DTNA: variants seen among roughly 807,000 people sequenced by gnomAD.
DTNA encodes dystrobrevin alpha.
DTNA carries 43 observed loss-of-function variants against 100.7 expected under a neutral mutation model. That is an observed-to-expected ratio of 0.43 (90% CI 0.33 to 0.55). DTNA has a LOEUF of 0.55. DTNA is among the 20% of genes least tolerant of loss of function. DTNA has a pLI of 0.04. For missense variants in DTNA, 798 were observed against 953.9 expected, an observed-to-expected ratio of 0.84 and a Z score of 2.15; for synonymous variants, 349 against 347.9, an observed-to-expected ratio of 1.00 and a Z score of -0.04.
chr18:34,666,649 G>C (rs181141496), intron 1 of DTNA, among the ~76,000 whole-genome samples: 1 of 152,306 alleles, frequency 6.6e-6, no homozygotes, highest in Admixed American at 6.5e-5. Flanking sequence ...TGGCTAGCCA[G>C]TTTTCCTAGC....
At chr18:34,710,659 AGT>A (rs1045449373) in intron 1 of DTNA, among the ~76,000 whole-genome samples, 9 of 145,844 alleles carry the variant, frequency 6.2e-5, no homozygotes, top group African/African-American at 2.4e-4. Flanking sequence ...GTTTTATGGC[AGT>A]GTGTGTGTGT....
chr18:34,609,682 A>C (rs1726870604), intron 1 of DTNA, among the ~76,000 whole-genome samples: 1 of 151,776 alleles, frequency 6.6e-6, no homozygotes, highest in Admixed American at 6.6e-5. Flanking sequence ...CTCTTTTATA[A>C]CCCTTATCTC....
intron 11 of DTNA, among the ~76,000 whole-genome samples, chr18:34,830,182 C>T (rs2095970859): frequency 6.6e-6 from 1 of 151,966 alleles, no homozygotes; most frequent in Non-Finnish European, 1.5e-5. Context: ...GAAATATGAC[C>T]TATGGCTCTG....
chr18:34,861,814 AT>A (rs919003434), intron 16 of DTNA, among the ~76,000 whole-genome samples: 4 of 151,330 alleles, frequency 2.6e-5, no homozygotes, highest in Non-Finnish European at 4.4e-5. Context: ...GTACAATTAG[AT>A]TTTTTTAGTG....
chr18:34,861,480 C>T (rs1440675524), intron 16 of DTNA, among the ~76,000 whole-genome samples: 2 of 111,876 alleles, frequency 1.8e-5, no homozygotes, highest in East Asian at 2.4e-4. Context: ...AGCGAGACTC[C>T]GTCTCAAAAA....
intron 1 of DTNA, among the ~76,000 whole-genome samples, chr18:34,561,011 T>G (rs183776069): frequency 6.6e-6 from 1 of 152,356 alleles, no homozygotes; most frequent in Non-Finnish European, 1.5e-5. Context: ...TGGTTTAACA[T>G]ATTAAGTTCT....
intron 22 of DTNA, among the ~76,000 whole-genome samples, chr18:34,887,147 A>G (rs2096928893): frequency 6.6e-6 from 1 of 152,222 alleles, no homozygotes; most frequent in African/African-American, 2.4e-5. Flanking sequence ...CTTTAGGCTT[A>G]TTTGAAAATA....
rs557821436 is a variant in DTNA at position 34,652,058 on chromosome 18, C to T, written c.-1-103918C>T. ...TACAGTGTGGGTGACAGATTGCGAC[C>T]CTGTCTCAAAAGAAAGAAAAGAAAA... is the stretch of plus-strand genomic sequence containing the variant. On this transcript the variant is annotated intron_variant, in intron 1 of 19. Coordinates refer to the DTNA transcript ENST00000283365. Among the ~76,000 whole-genome samples, 3 of 150,726 alleles carry T rather than the reference C, an allele frequency of 2.0e-5. No individual in the cohort carries two copies. In the South Asian group the frequency reaches 6.3e-4, roughly 32 times the overall value.
intron 4 of DTNA, among the ~76,000 whole-genome samples, chr18:34,801,914 CAAAG>C (rs1352427256): frequency 6.6e-6 from 1 of 152,194 alleles, no homozygotes; most frequent in African/African-American, 2.4e-5. Context: ...CCTTAATTCA[CAAAG>C]AAAGACTTAC....
intron 4 of DTNA, among the ~76,000 whole-genome samples, chr18:34,797,409 C>T (rs1216045970): frequency 1.3e-5 from 2 of 152,114 alleles, no homozygotes; most frequent in Non-Finnish European, 2.9e-5. Flanking sequence ...GAACTTGAGC[C>T]AGTCTCTTCC....
chr18:34,627,465 C>T (rs549747428), intron 1 of DTNA, among the ~76,000 whole-genome samples: 1 of 152,310 alleles, frequency 6.6e-6, no homozygotes, highest in East Asian at 1.9e-4. Flanking sequence ...AGGGCCCTAT[C>T]AGTTCCCATA....
At chr18:34,628,521 A>G (rs2057648870) in intron 1 of DTNA, among the ~76,000 whole-genome samples, 2 of 152,238 alleles carry the variant, frequency 1.3e-5, no homozygotes, top group Admixed American at 1.3e-4. Context: ...AAATTGCATT[A>G]TGTTTATTGA....
intron 1 of DTNA, among the ~76,000 whole-genome samples, chr18:34,598,446 C>T (rs1488772319): frequency 6.6e-6 from 1 of 152,130 alleles, no homozygotes; most frequent in Non-Finnish European, 1.5e-5. Flanking sequence ...TTGCATACAA[C>T]CTCAATTTCA....
At chr18:34,617,978 C>T (rs2055667409) in intron 1 of DTNA, among the ~76,000 whole-genome samples, 3 of 152,110 alleles carry the variant, frequency 2.0e-5, no homozygotes. Flanking sequence ...CTGCACATTT[C>T]CTTCATCTTT....
At chr18:34,801,046 C>G (rs955067721) in intron 4 of DTNA, among the ~76,000 whole-genome samples, 5 of 152,000 alleles carry the variant, frequency 3.3e-5, no homozygotes, top group African/African-American at 1.2e-4. Flanking sequence ...CATAAAACAC[C>G]CTACAAATCA....
rs147050259 is a variant in DTNA, at chr18:34,661,486, C to A, written c.-1-94490C>A. 2.3e-3 allele frequency among the ~76,000 whole-genome samples: 347 copies of A among 152,312 alleles called. 1 individual carries two copies. The highest frequency in any genetic ancestry group is 7.8e-3 in the African/African-American group (326 of 41,562). On this transcript the variant is annotated intron_variant, in intron 1 of 19. Coordinates refer to the DTNA transcript ENST00000283365. ...CTACTTGGGCTGATATCCCTGCTCC[C>A]TCTTTCTGGCTTCTTTTACCCCAGA...
At chr18:34,814,495 G>A (rs1002718725) in intron 6 of DTNA, among the ~76,000 whole-genome samples, 2 of 151,150 alleles carry the variant, frequency 1.3e-5, no homozygotes, top group Non-Finnish European at 2.9e-5. Context: ...GACCAGCCTG[G>A]ACAACATAGT....
rs1277400045 is a variant in DTNA at position 34,820,826 on chromosome 18, C to T, written c.912C>T (p.Ser304=). The T allele has an allele frequency of 3.1e-6, 5 of 1,614,040 alleles. No homozygotes were observed. In the South Asian group the frequency reaches 3.3e-5, roughly 11 times the overall value. Reference sequence around the variant, plus strand: ...CTAAGAAGCTGACTAATGCATTAAGCAAGTCCCTGAGCTGTGCTTCCAGCC... The same window carrying T: ...CTAAGAAGCTGACTAATGCATTAAGTAAGTCCCTGAGCTGTGCTTCCAGCC... The part of the protein sequence containing the change: ...SPAKKLTNAL[S]KSLSCASSRE... The change falls in exon 9 of 23, where the codon AGC becomes AGT. Residue 304 remains serine, a synonymous_variant. Coordinates refer to ENST00000444659, the MANE Select transcript of DTNA (RefSeq NM_001386795.1).
intron 1 of DTNA, among the ~76,000 whole-genome samples, chr18:34,687,769 T>C (rs2079120534): frequency 6.6e-6 from 1 of 152,206 alleles, no homozygotes; most frequent in Admixed American, 6.5e-5. Context: ...TGTGTGGGAA[T>C]ATAGGTCTCT....
Sources: allele counts gnomAD v4.1 joint callset (sites outside exome capture counted in the v4.1 genomes callset), GRCh38; gene constraint gnomAD v4.1.1; transcripts MANE v1.5; gene names NCBI Gene and HGNC (gene_info 2026-07-23, HGNC 2026-07-21).